WNT7B: variants seen among roughly 807,000 people sequenced by gnomAD.
WNT7B encodes protein Wnt-7b.
WNT7B carries 19 observed loss-of-function variants against 38.2 expected under a neutral mutation model. That is an observed-to-expected ratio of 0.50 (90% CI 0.35 to 0.73). The LOEUF is 0.73. Among genes scored for constraint, WNT7B ranks in the 30% least tolerant of loss-of-function variants. The pLI is 0.01. For missense variants in WNT7B, 423 were observed against 507.9 expected (o/e 0.83, Z 1.61); for synonymous variants, 243 against 209.3 (o/e 1.16, Z -1.39).
chr22:45,958,114 C>T (rs114113131), intron 1 of WNT7B, among the ~76,000 whole-genome samples: 3,784 of 152,282 alleles, frequency 0.025, 154 homozygotes, highest in African/African-American at 0.086. Context: ...GACAGAGTCA[C>T]CCACATAGCC....
intron 3 of WNT7B, among the ~76,000 whole-genome samples, chr22:45,928,826 C>G (rs1404788588): frequency 6.6e-6 from 1 of 151,920 alleles, no homozygotes; most frequent in Admixed American, 6.6e-5. Flanking sequence ...CACCACCCTA[C>G]CCGGCCATCC....
At chr22:45,943,563 G>A (rs1034134404) in intron 2 of WNT7B, among the ~76,000 whole-genome samples, 7 of 152,228 alleles carry the variant, frequency 4.6e-5, no homozygotes, top group Admixed American at 1.3e-4. Flanking sequence ...GCAACTGCCT[G>A]TGTGAGGTGG....
At chr22:45,939,799 C>A (rs995619017) in intron 2 of WNT7B, among the ~76,000 whole-genome samples, 3 of 152,294 alleles carry the variant, frequency 2.0e-5, no homozygotes, top group Admixed American at 1.3e-4. Flanking sequence ...GCACTCCAGC[C>A]TGGGCAACAA....
At position 45,930,601 on chromosome 22, in the gene WNT7B, G is replaced by A. The variant is rs367706575; in HGVS notation, c.570+497C>T. On this transcript the variant is annotated intron_variant, in intron 3 of 3. Transcript: ENST00000339464. ...ACTCCGTCCCGCCCCATGCAGGAGC[G>A]GCCTGCTCCCCAGCAGCCCCCGGCT... is the stretch of plus-strand genomic sequence containing the variant. Among the ~76,000 whole-genome samples, 55 of 152,274 alleles carry A rather than the reference G, an allele frequency of 3.6e-4. No individual in the cohort carries two copies. The East Asian group carries it at 5.4e-3, about 15-fold the overall frequency.
intron 2 of WNT7B, among the ~76,000 whole-genome samples, chr22:45,943,031 G>A (rs1480271226): frequency 6.8e-6 from 1 of 147,442 alleles, no homozygotes; most frequent in Non-Finnish European, 1.5e-5. Flanking sequence ...GTGTATGTGT[G>A]TGCGCGTGTG....
At chr22:45,932,198 G>A (rs1931385276) in intron 2 of WNT7B, among the ~76,000 whole-genome samples, 1 of 152,148 alleles carries the variant, frequency 6.6e-6, no homozygotes, top group Non-Finnish European at 1.5e-5. Flanking sequence ...CCACGGCTGA[G>A]CTGGGAGGGG....
At chr22:45,971,376 T>C (rs1932434261) in intron 1 of WNT7B, among the ~76,000 whole-genome samples, 1 of 152,180 alleles carries the variant, frequency 6.6e-6, no homozygotes, top group Non-Finnish European at 1.5e-5. Flanking sequence ...AGCATATGCG[T>C]CCCATTAGGA....
intron 1 of WNT7B, among the ~76,000 whole-genome samples, chr22:45,970,272 T>C (rs938904738): frequency 6.6e-6 from 1 of 152,190 alleles, no homozygotes; most frequent in African/African-American, 2.4e-5. Context: ...ACCCCAGCAC[T>C]GGCCCAGGGA....
At chr22:45,927,052 CCTCAGCTGTCCGGA>C in intron 3 of WNT7B, 1 of 985,444 alleles carries the variant, frequency 1.0e-6, no homozygotes, top group Non-Finnish European at 1.2e-6. Context: ...AGAGAGGTGC[CCTCAGCTGTCCGGA>C]CAACAGCCCC....
intron 1 of WNT7B, among the ~76,000 whole-genome samples, chr22:45,968,492 C>G (rs1313583459): frequency 6.6e-6 from 1 of 152,178 alleles, no homozygotes; most frequent in Admixed American, 6.5e-5. Context: ...GGATGAGGAC[C>G]CAGATCTGAG....
chr22:45,955,217 C>T (rs886281056), intron 1 of WNT7B, among the ~76,000 whole-genome samples: 4 of 152,234 alleles, frequency 2.6e-5, no homozygotes, highest in Admixed American at 6.5e-5. Context: ...CTCCCCGAGC[C>T]GGCCTGGCCC....
intron 1 of WNT7B, among the ~76,000 whole-genome samples, chr22:45,974,618 G>A (rs1932515125): frequency 6.6e-6 from 1 of 152,136 alleles, no homozygotes; most frequent in Admixed American, 6.5e-5. Context: ...TGGCTCACCA[G>A]GGGGAGGAGT....
intron 1 of WNT7B, among the ~76,000 whole-genome samples, chr22:45,950,742 A>G (rs1931913157): frequency 6.6e-6 from 1 of 152,226 alleles, no homozygotes; most frequent in African/African-American, 2.4e-5. Flanking sequence ...ATGGGGGTAT[A>G]AAACACCCAT....
At chr22:45,971,525 G>GAGAC (rs1007020114) in intron 1 of WNT7B, among the ~76,000 whole-genome samples, 5 of 152,204 alleles carry the variant, frequency 3.3e-5, no homozygotes, top group African/African-American at 9.6e-5. Flanking sequence ...TCCCTTGGCC[G>GAGAC]AGACAACTGG....
At position 45,920,374 on chromosome 22, in the gene WNT7B, T is replaced by A. The variant is rs900424256; in HGVS notation, c.*2482A>T. On this transcript the variant is annotated 3_prime_UTR_variant, in exon 4 of 4. Coordinates refer to ENST00000339464, the MANE Select transcript of WNT7B (RefSeq NM_058238.3). ...ATTCCACACACACTCACTTTTCCGA[T>A]TCCAGCTTTTATTGGGCCGAGCACT... The A allele has an allele frequency of 1.3e-5, 2 of 152,008 alleles. No homozygotes were observed. Among genetic ancestry groups the A allele is most frequent in the Non-Finnish European group, 2.9e-5 (2 of 68,012 alleles). 9.4% of individuals were successfully genotyped at this position (152,008 alleles called of 1,614,324 possible). A position where few individuals can be genotyped will look rare whatever the true frequency, so the allele number is the denominator to read the frequency against.
intron 1 of WNT7B, chr22:45,972,056 C>T: frequency 2.0e-6 from 1 of 498,610 alleles, no homozygotes; most frequent in Non-Finnish European, 3.5e-6. Flanking sequence ...GTGCCCCGCC[C>T]AGGGGCCTCG....
intron 1 of WNT7B, among the ~76,000 whole-genome samples, chr22:45,952,592 G>T (rs114368192): frequency 6.6e-6 from 1 of 152,250 alleles, no homozygotes; most frequent in Non-Finnish European, 1.5e-5. Context: ...GGCAGAGCCC[G>T]CCTCAGTCCC....
chr22:45,950,804 C>T (rs777120973), intron 1 of WNT7B, among the ~76,000 whole-genome samples: 2 of 152,238 alleles, frequency 1.3e-5, no homozygotes, highest in South Asian at 2.1e-4. Flanking sequence ...AAGCCCGCAC[C>T]GGGAATGGTG....
chr22:45,941,193 G>C (rs971965506), intron 2 of WNT7B, among the ~76,000 whole-genome samples: 8 of 152,176 alleles, frequency 5.3e-5, no homozygotes, highest in African/African-American at 1.7e-4. Context: ...CAAGTGGATC[G>C]GGTGAGGGGG....
Sources: allele counts gnomAD v4.1 joint callset (sites outside exome capture counted in the v4.1 genomes callset), GRCh38; gene constraint gnomAD v4.1.1; transcripts MANE v1.5; gene names NCBI Gene and HGNC (gene_info 2026-07-23, HGNC 2026-07-21).